The following NHEJ1 variants were observed in gnomAD, a reference collection of about 807,000 sequenced individuals.
The protein encoded by NHEJ1 is non-homologous end-joining factor 1.
A neutral mutation model predicts 39.4 loss-of-function variants in NHEJ1; 22 were observed. That is an observed-to-expected ratio of 0.56 (90% CI 0.40 to 0.80). NHEJ1 has a LOEUF of 0.80. Ranked by LOEUF, NHEJ1 falls within the 30% of genes least tolerant of loss-of-function variation. The pLI is 0.00. For synonymous variants in NHEJ1, 154 were observed against 135.6 expected, an observed-to-expected ratio of 1.14 and a Z score of -0.94; for missense variants, 329 against 357.1, an observed-to-expected ratio of 0.92 and a Z score of 0.63.
chr2:219,105,797 T>C (rs1949307906), intron 5 of NHEJ1, among the ~76,000 whole-genome samples: 1 of 152,186 alleles, frequency 6.6e-6, no homozygotes, highest in Non-Finnish European at 1.5e-5. Context: ...ATGGCCAGAA[T>C]TAAATCTTCC....
intron 3 of NHEJ1, among the ~76,000 whole-genome samples, chr2:219,154,279 CATAG>C (rs1273526811): frequency 6.6e-6 from 1 of 151,936 alleles, no homozygotes; most frequent in Non-Finnish European, 1.5e-5. Flanking sequence ...TACACATATA[CATAG>C]ATATATATTT....
At chr2:219,122,129 G>A (rs1312451260) in intron 5 of NHEJ1, among the ~76,000 whole-genome samples, 2 of 152,176 alleles carry the variant, frequency 1.3e-5, no homozygotes, top group African/African-American at 4.8e-5. Context: ...CTGACAGCAG[G>A]AGCAGCAGCC....
intron 5 of NHEJ1, among the ~76,000 whole-genome samples, chr2:219,100,936 C>G (rs1195369697): frequency 2.0e-5 from 3 of 152,212 alleles, no homozygotes; most frequent in African/African-American, 7.2e-5. Context: ...TAAAAGACTT[C>G]TACTCTTTAA....
At chr2:219,144,964 C>T (rs928647671) in intron 5 of NHEJ1, among the ~76,000 whole-genome samples, 1 of 152,146 alleles carries the variant, frequency 6.6e-6, no homozygotes, top group Non-Finnish European at 1.5e-5. Context: ...TCTATAATCC[C>T]AGTACTTTGG....
At chr2:219,158,593 A>G (rs917207024) in intron 1 of NHEJ1, among the ~76,000 whole-genome samples, 1 of 151,962 alleles carries the variant, frequency 6.6e-6, no homozygotes, top group African/African-American at 2.4e-5. Context: ...CCCATATTAC[A>G]TTCCTAGAGG....
At chr2:219,090,322 C>T (rs950543098) in intron 5 of NHEJ1, among the ~76,000 whole-genome samples, 5 of 152,138 alleles carry the variant, frequency 3.3e-5, no homozygotes, top group African/African-American at 1.2e-4. Flanking sequence ...GTTTCTTCAG[C>T]TGTGGAATGG....
intron 1 of NHEJ1, among the ~76,000 whole-genome samples, chr2:219,160,315 C>A (rs1949919925): frequency 2.0e-5 from 3 of 152,174 alleles, no homozygotes. Context: ...ACAGCGCGAA[C>A]CCTAGGTCCC....
At chr2:219,154,235 C>T (rs1386698131) in intron 3 of NHEJ1, among the ~76,000 whole-genome samples, 1 of 152,014 alleles carries the variant, frequency 6.6e-6, no homozygotes, top group African/African-American at 2.4e-5. Flanking sequence ...AGGTACTAAA[C>T]AGTGCGTACA....
At chr2:219,158,384 G>C (rs1233237632) in intron 1 of NHEJ1, 22 bp from the exon 2 acceptor site, 10 of 1,612,962 alleles carry the variant, frequency 6.2e-6, no homozygotes, top group Non-Finnish European at 8.5e-6. Flanking sequence ...TCCTCATTTA[G>C]TAAAGAGCCT....
intron 5 of NHEJ1, among the ~76,000 whole-genome samples, chr2:219,100,235 C>T (rs1000773650): frequency 1.3e-5 from 2 of 152,022 alleles, no homozygotes; most frequent in Non-Finnish European, 2.9e-5. Context: ...AGGAAGTCGA[C>T]CAAACAGATA....
In NHEJ1 at chr2:219,093,396, T is replaced by C. The variant is rs968959811; in HGVS notation, c.589-15190A>G. 2.6e-5 allele frequency among the ~76,000 whole-genome samples: 4 copies of C among 152,338 alleles called. No individual in the cohort carries two copies. The East Asian group carries it at 7.7e-4, about 29-fold the overall frequency. On this transcript the variant is annotated intron_variant, in intron 5 of 7. Transcript: ENST00000356853. ...TAAGGAGGCAAGGACAAGAGGGATA[T>C]ATAAATGGCCAGAAGAAGAATCCTA...
At chr2:219,078,252 G>C in intron 5 of NHEJ1, 46 bp from the exon 6 acceptor site, 1 of 1,506,634 alleles carries the variant, frequency 6.6e-7, no homozygotes, top group Non-Finnish European at 9.2e-7. Context: ...TGTATTGCTA[G>C]AGAAGCGATC....
chr2:219,131,338 T>G (rs1161193389), intron 5 of NHEJ1, among the ~76,000 whole-genome samples: 2 of 152,252 alleles, frequency 1.3e-5, no homozygotes, highest in Non-Finnish European at 2.9e-5. Context: ...TTTAGAAGAC[T>G]GGCTGATGTT....
chr2:219,158,358 T>G lies in NHEJ1; in HGVS notation c.5A>C (p.Glu2Ala), dbSNP rs1326152180. M[E>A]ELEQGLLMQP... The stretch of plus-strand genomic sequence containing the variant: ...CATCAACAGGCCTTGCTCCAGTTCT[T>G]CCATCTGCAAAAAAGTCCTCATTTA... The change falls in exon 2 of 8, where the codon GAA becomes GCA. Residue 2 changes from glutamate to alanine, a missense_variant. Coordinates refer to ENST00000356853, the MANE Select transcript of NHEJ1 (RefSeq NM_024782.3). 1 of 1,614,034 alleles carries G rather than the reference T, an allele frequency of 6.2e-7. No homozygotes were observed. The highest frequency in any genetic ancestry group is 1.1e-5 in the South Asian group (1 of 91,084).
At chr2:219,085,974 C>G (rs988189778) in intron 5 of NHEJ1, among the ~76,000 whole-genome samples, 32 of 152,252 alleles carry the variant, frequency 2.1e-4, no homozygotes, top group African/African-American at 7.5e-4. Context: ...CTGGTTCAGT[C>G]TGAGGTCTGG....
intron 3 of NHEJ1, among the ~76,000 whole-genome samples, chr2:219,148,076 T>C (rs1949760155): frequency 6.6e-6 from 1 of 152,190 alleles, no homozygotes; most frequent in Admixed American, 6.5e-5. Context: ...ACGGCCAACA[T>C]GGCCAAACCC....
At chr2:219,139,669 G>GT (rs1169120026) in intron 5 of NHEJ1, among the ~76,000 whole-genome samples, 1 of 152,044 alleles carries the variant, frequency 6.6e-6, no homozygotes, top group East Asian at 1.9e-4. Context: ...GTTTTTTGGG[G>GT]TTTTTTGTTT....
At chr2:219,092,540 C>T (rs1949170178) in intron 5 of NHEJ1, among the ~76,000 whole-genome samples, 1 of 152,280 alleles carries the variant, frequency 6.6e-6, no homozygotes, top group East Asian at 1.9e-4. Context: ...GTGACAGATA[C>T]TTCTAATATA....
At chr2:219,122,367 T>C (rs1949479701) in intron 5 of NHEJ1, among the ~76,000 whole-genome samples, 1 of 152,214 alleles carries the variant, frequency 6.6e-6, no homozygotes. Context: ...GATAAGTGTG[T>C]GTACACCTAT....
Sources: allele counts gnomAD v4.1 joint callset (sites outside exome capture counted in the v4.1 genomes callset), GRCh38; gene constraint gnomAD v4.1.1; transcripts MANE v1.5; gene names NCBI Gene and HGNC (gene_info 2026-07-23, HGNC 2026-07-21).